NUP160: variants seen among roughly 807,000 people sequenced by gnomAD.
The protein encoded by NUP160 is nuclear pore complex protein Nup160.
NUP160 carries 94 observed loss-of-function variants against 196.9 expected under a neutral mutation model. The ratio of observed to expected loss-of-function variants is 0.48; its 90% CI spans 0.40 to 0.57. The LOEUF is 0.57. Among genes scored for constraint, NUP160 ranks in the 20% least tolerant of loss-of-function variants. The pLI is 0.00. For synonymous variants in NUP160, 605 were observed against 619.7 expected (o/e 0.98, Z 0.35); for missense variants, 1,638 against 1,748.3 (o/e 0.94, Z 1.13).
At chr11:47,829,053 T>C (rs1211487554) in intron 7 of NUP160, among the ~76,000 whole-genome samples, 1 of 152,124 alleles carries the variant, frequency 6.6e-6, no homozygotes, top group Non-Finnish European at 1.5e-5. Context: ...ATTCTTAAGG[T>C]ATGACACTAT....
At chr11:47,784,061 A>T (rs2097663119) in intron 33 of NUP160, among the ~76,000 whole-genome samples, 1 of 151,876 alleles carries the variant, frequency 6.6e-6, no homozygotes, top group African/African-American at 2.4e-5. Flanking sequence ...AACAAAAAAA[A>T]CCAAAAAAAA....
At chr11:47,787,313 C>T (rs2097665128) in intron 31 of NUP160, among the ~76,000 whole-genome samples, 1 of 152,080 alleles carries the variant, frequency 6.6e-6, no homozygotes, top group South Asian at 2.1e-4. Context: ...GTCTTGAACT[C>T]CTGACCTCAA....
In NUP160 at chr11:47,783,052, G is replaced by C. The variant is rs1444648941; in HGVS notation, c.4116+21C>G. 6 of 1,601,426 alleles carry C rather than the reference G, an allele frequency of 3.7e-6. No homozygotes were observed. In the African/African-American group the frequency reaches 6.7e-5, roughly 18 times the overall value. ...CGTAAGTCAAACCATTGTAAATTGG[G>C]GACCATTTGTATATGCCTACCTCAA... On this transcript the variant is annotated intron_variant, in intron 34 of 35. Coordinates refer to ENST00000378460, the Ensembl canonical transcript of NUP160.
At chr11:47,841,434 C>T (rs905841104) in intron 2 of NUP160, 11 of 435,670 alleles carry the variant, frequency 2.5e-5, no homozygotes, top group Middle Eastern at 6.9e-4. Context: ...GGTTCACAGG[C>T]GCCACTGGCA....
chr11:47,787,428 CTTTTTTTTT>C (rs145162308), intron 31 of NUP160, among the ~76,000 whole-genome samples: 3 of 130,060 alleles, frequency 2.3e-5, no homozygotes, highest in African/African-American at 5.8e-5. Flanking sequence ...AATTCACAAA[CTTTTTTTTT>C]TTTTTTTTTT....
chr11:47,821,824 A>C lies in NUP160; in HGVS notation c.1180-3T>G. The C allele has an allele frequency of 6.2e-7, 1 of 1,610,454 alleles. No individual in the cohort carries two copies. The highest frequency in any genetic ancestry group is 8.5e-7 in the Non-Finnish European group (1 of 1,176,624). ...AAGGCAAAGTCAATCAGTGTCTCCT[A>C]GGAGGAAATGTGGGAAAAAAAGGGA... On this transcript the variant is annotated splice_region_variant and splice_polypyrimidine_tract_variant and intron_variant, in intron 8 of 35. Transcript: ENST00000378460.
intron 15 of NUP160, 44 bp from the exon 16 acceptor site, chr11:47,812,473 T>C: frequency 6.3e-7 from 1 of 1,577,310 alleles, no homozygotes; most frequent in South Asian, 1.1e-5. Flanking sequence ...CGAGAATACG[T>C]AAGGCAAGTT....
At chr11:47,796,152 T>TA (rs35398008) in intron 27 of NUP160, 56,892 of 118,258 alleles carry the variant, frequency 0.48, 15,453 homozygotes, top group African/African-American at 0.59. Flanking sequence ...AGACTTCATC[T>TA]AAAAAAAAAA....
In NUP160 at chr11:47,782,306, ATATAT is replaced by A. The variant is rs2097661740; in HGVS notation, c.4116+762_4116+766del. On this transcript the variant is annotated intron_variant, in intron 34 of 35. Coordinates refer to ENST00000378460, the Ensembl canonical transcript of NUP160. Reference sequence around the variant, plus strand: ...AACTCAGTTAAAAAAAAAAAAAAATATATATATATATATATATATATATATATATA... The same window carrying A: ...AACTCAGTTAAAAAAAAAAAAAAATAATATATATATATATATATATATATA... Among the ~76,000 whole-genome samples, 34 of 42,312 alleles carry A rather than the reference ATATAT, an allele frequency of 8.0e-4. 2 individuals carry two copies. The highest frequency in any genetic ancestry group is 3.6e-3 in the African/African-American group (32 of 8,904). 27.8% of individuals were successfully genotyped at this position (42,312 alleles called of 152,430 possible).
intron 2 of NUP160, among the ~76,000 whole-genome samples, chr11:47,840,903 T>C (rs1160536751): frequency 6.6e-6 from 1 of 152,172 alleles, no homozygotes; most frequent in South Asian, 2.1e-4. Flanking sequence ...TTGCTTGTAG[T>C]GGAATGTGGC....
chr11:47,818,255 T>A (rs1428932032), intron 10 of NUP160, 131 bp from the exon 11 acceptor site: 2 of 609,866 alleles, frequency 3.3e-6, no homozygotes, highest in Non-Finnish European at 3.0e-6. Context: ...GCAATAACAG[T>A]AGTGCGGTTA....
In NUP160 at chr11:47,838,632, T is replaced by C. The variant is rs551794237; in HGVS notation, c.749-1009A>G. On this transcript the variant is annotated intron_variant, in intron 4 of 35. Transcript: ENST00000378460. ...CTGAGACATGAGAATCACTTGAACC[T>C]GGGGGGGGCGGAGGTTGCAGTGAGC... Among the ~76,000 whole-genome samples, 6 of 150,974 alleles carry C rather than the reference T, an allele frequency of 4.0e-5. No individual in the cohort carries two copies. In the South Asian group the frequency reaches 1.3e-3, roughly 32 times the overall value.
Position 47,804,634 on chromosome 11 carries a change from G to A in NUP160, c.2607-16C>T, listed in dbSNP as rs373848714. 1.3e-6 allele frequency: 2 copies of A among 1,495,382 alleles called. No homozygotes were observed. The highest frequency in any genetic ancestry group is 1.8e-6 in the Non-Finnish European group (2 of 1,125,886). The allele number at this position is 1,495,382 out of a possible 1,614,324, so 92.6% of individuals were successfully genotyped here. On this transcript the variant is annotated splice_polypyrimidine_tract_variant and intron_variant, in intron 20 of 35. Transcript: ENST00000378460. ...GCTAGGCCATCTAGTCATTGGTTAA[G>A]GATATTTCTTAATTTTTGTTGGCAA...
At chr11:47,830,224 G>A (rs1379574566) in intron 7 of NUP160, among the ~76,000 whole-genome samples, 1 of 152,186 alleles carries the variant, frequency 6.6e-6, no homozygotes, top group Non-Finnish European at 1.5e-5. Context: ...ATGCTGGTGA[G>A]GTTGCAGAGA....
chr11:47,848,173 C>T (rs1852438422), intron 1 of NUP160, 46 bp downstream of exon 1: 1 of 1,597,768 alleles, frequency 6.3e-7, no homozygotes, highest in African/African-American at 1.3e-5. Flanking sequence ...ATGAGAGGAG[C>T]CCGAGGGGAC....
intron 15 of NUP160, 128 bp from the exon 16 acceptor site, chr11:47,812,557 A>G: frequency 1.0e-6 from 1 of 954,268 alleles, no homozygotes; most frequent in Non-Finnish European, 1.5e-6. Flanking sequence ...TCACTCTGGC[A>G]TATAAGATAC....
chr11:47,847,424 TACA>T (rs1284976584), intron 2 of NUP160, among the ~76,000 whole-genome samples: 1 of 152,164 alleles, frequency 6.6e-6, no homozygotes, highest in Admixed American at 6.5e-5. Flanking sequence ...CTGACATTGC[TACA>T]ACGTCTTGCA....
In NUP160 at chr11:47,798,281, T is replaced by C. The variant is rs1447593534; in HGVS notation, c.2992-19A>G. The C allele has an allele frequency of 5.1e-6, 8 of 1,573,032 alleles. No homozygotes were observed. The South Asian group carries it at 7.8e-5, about 15-fold the overall frequency. ...GAGTAGCCTAAATATCAAATGTAGA[T>C]CAAATATCAAAAAGAGCAATAGAAA... On this transcript the variant is annotated intron_variant, in intron 24 of 35. Coordinates refer to ENST00000378460, the Ensembl canonical transcript of NUP160.
exon 7 of NUP160, chr11:47,835,745 A>G: frequency 6.2e-7 from 1 of 1,606,230 alleles, no homozygotes; most frequent in Non-Finnish European, 8.5e-7. Flanking sequence ...TCCAGCAGTA[A>G]GCCGAAGGTC....
Sources: allele counts gnomAD v4.1 joint callset (sites outside exome capture counted in the v4.1 genomes callset), GRCh38; gene constraint gnomAD v4.1.1; transcripts MANE v1.5; gene names NCBI Gene and HGNC (gene_info 2026-07-23, HGNC 2026-07-21).